Variants in RYR3 observed in about 807,000 individuals in gnomAD.
The protein encoded by RYR3 is brain ryanodine receptor-calcium release channel.
A neutral mutation model predicts 584.3 loss-of-function variants in RYR3; 207 were observed. That is an observed-to-expected ratio of 0.35 (90% CI 0.32 to 0.40). The LOEUF is 0.40. Ranked by LOEUF, RYR3 falls within the 10% of genes least tolerant of loss-of-function variation. RYR3 has a pLI of 1.00. For missense variants in RYR3, 5,616 were observed against 6,089.2 expected (o/e 0.92, Z 2.59); for synonymous variants, 2,416 against 2,248.5 (o/e 1.07, Z -2.11).
rs142396058 is a variant in RYR3 at position 33,488,635 on chromosome 15, A to G, written c.172-14996A>G. 2.9e-3 allele frequency among the ~76,000 whole-genome samples: 441 copies of G among 152,164 alleles called. 3 individuals carry two copies. Among genetic ancestry groups the G allele is most frequent in the African/African-American group, 8.9e-3 (368 of 41,532 alleles). On this transcript the variant is annotated intron_variant, in intron 2 of 103. Transcript: ENST00000634891. ...TGGGAGGACAAGGCGGGCAGATCAC[A>G]AGGTCAGGAGATCGAGACCATCCTG...
At chr15:33,795,817 C>A (rs566372944) in intron 67 of RYR3, among the ~76,000 whole-genome samples, 5 of 152,314 alleles carry the variant, frequency 3.3e-5, no homozygotes, top group African/African-American at 1.2e-4. Flanking sequence ...AGGCATGAGC[C>A]ACCGCACCCG....
chr15:33,660,238 G>A lies in RYR3; in HGVS notation c.4437G>A (p.Glu1479=). Reference sequence around the variant, plus strand: ...CAGCGGCCATATTCAGGAGTGAAGAGAAGAACCCAGTCCCACAGTGTCCAC... The same window carrying A: ...CAGCGGCCATATTCAGGAGTGAAGAAAAGAACCCAGTCCCACAGTGTCCAC... ...PLSAAIFRSE[E]KNPVPQCPPR... is the part of the protein sequence containing the mutation. The change falls in exon 34 of 104, where the codon GAG becomes GAA. Residue 1479 remains glutamate (E), a synonymous_variant. Coordinates refer to ENST00000634891, the MANE Select transcript of RYR3 (RefSeq NM_001036.6). 6.4e-7 allele frequency: 1 copy of A among 1,553,536 alleles called. No individual in the cohort carries two copies. The highest frequency in any genetic ancestry group is 8.7e-7 in the Non-Finnish European group (1 of 1,148,136).
At chr15:33,746,957 C>T (rs1477180696) in intron 53 of RYR3, among the ~76,000 whole-genome samples, 1 of 151,168 alleles carries the variant, frequency 6.6e-6, no homozygotes. Flanking sequence ...TATAGGCATG[C>T]ACCACCATGC....
chr15:33,518,742 G>A (rs2053734263), intron 3 of RYR3, among the ~76,000 whole-genome samples: 1 of 152,208 alleles, frequency 6.6e-6, no homozygotes, highest in African/African-American at 2.4e-5. Flanking sequence ...AGAAAAGCTA[G>A]TGGATGAGAA....
chr15:33,864,602 G>C (rs1889801341), intron 103 of RYR3, among the ~76,000 whole-genome samples: 2 of 151,436 alleles, frequency 1.3e-5, no homozygotes, highest in South Asian at 4.1e-4. Context: ...GCATGTGAGA[G>C]GATGAGTGAA....
At chr15:33,438,950 T>TA (rs1178179018) in intron 1 of RYR3, among the ~76,000 whole-genome samples, 9 of 152,296 alleles carry the variant, frequency 5.9e-5, no homozygotes, top group African/African-American at 2.2e-4. Flanking sequence ...CACTGTTGAA[T>TA]GGAAATAGGA....
intron 1 of RYR3, among the ~76,000 whole-genome samples, chr15:33,369,581 T>G (rs1976022126): frequency 7.0e-6 from 1 of 143,134 alleles, no homozygotes; most frequent in Non-Finnish European, 1.5e-5. Flanking sequence ...CATCTATCTA[T>G]CTGTCTGTCT....
intron 10 of RYR3, among the ~76,000 whole-genome samples, chr15:33,558,338 C>T (rs2057210866): frequency 2.8e-5 from 4 of 140,446 alleles, no homozygotes; most frequent in Middle Eastern, 3.5e-3. Context: ...TGAGTGAGAA[C>T]ATGCGGTGTT....
intron 64 of RYR3, among the ~76,000 whole-genome samples, chr15:33,779,455 G>A (rs12916967): frequency 0.15 from 23,167 of 152,040 alleles, 2,482 homozygotes; most frequent in East Asian, 0.61. Flanking sequence ...AGGACCTATT[G>A]TTTCTGTTGT....
chr15:33,863,473 T>C (rs1482605389), intron 102 of RYR3, among the ~76,000 whole-genome samples: 2 of 152,038 alleles, frequency 1.3e-5, no homozygotes, highest in Non-Finnish European at 2.9e-5. Context: ...AACTTCACAA[T>C]CCTTTTCCGG....
chr15:33,600,071 G>A (rs8032721), intron 16 of RYR3, among the ~76,000 whole-genome samples: 8,905 of 152,194 alleles, frequency 0.059, 827 homozygotes, highest in African/African-American at 0.2. Flanking sequence ...TGAGAAATTA[G>A]CCTCTGGATT....
chr15:33,687,427 T>C (rs2065091103), intron 38 of RYR3, among the ~76,000 whole-genome samples: 1 of 152,252 alleles, frequency 6.6e-6, no homozygotes, highest in East Asian at 1.9e-4. Context: ...CACAAACAAA[T>C]GGAAGAACAT....
At chr15:33,698,034 T>G (rs766170059) in intron 40 of RYR3, 38 bp downstream of exon 40, 20 of 1,441,640 alleles carry the variant, frequency 1.4e-5, no homozygotes, top group Non-Finnish European at 2.0e-5. Context: ...AACTTGTCCC[T>G]TGAGGCAGGA....
At chr15:33,548,449 G>C (rs2056418472) in intron 9 of RYR3, among the ~76,000 whole-genome samples, 1 of 152,192 alleles carries the variant, frequency 6.6e-6, no homozygotes, top group African/African-American at 2.4e-5. Flanking sequence ...GACTATAAAA[G>C]GAAAGCTCAG....
chr15:33,440,071 T>A (rs1170292843), intron 1 of RYR3, among the ~76,000 whole-genome samples: 1 of 152,210 alleles, frequency 6.6e-6, no homozygotes, highest in Non-Finnish European at 1.5e-5. Context: ...TAGGATCACT[T>A]GAGCCTAGGA....
chr15:33,662,129 G>A lies in RYR3; in HGVS notation c.4623-24G>A, dbSNP rs761708483. The stretch of plus-strand genomic sequence containing the variant: ...GGTGGGTTCTTCTCCCCCTGGTGTG[G>A]CTGATTGCTCGTCCTGTCCTCAGGT... On this transcript the variant is annotated intron_variant, in intron 34 of 103. Coordinates refer to ENST00000634891, the MANE Select transcript of RYR3 (RefSeq NM_001036.6). The A allele has an allele frequency of 4.6e-6, 7 of 1,538,088 alleles. No homozygotes were observed. The South Asian group carries it at 7.7e-5, about 17-fold the overall frequency.
chr15:33,394,958 A>T (rs142504566), intron 1 of RYR3, among the ~76,000 whole-genome samples: 1 of 152,096 alleles, frequency 6.6e-6, no homozygotes, highest in Non-Finnish European at 1.5e-5. Context: ...ATGCAAAAAA[A>T]AACACATACT....
intron 51 of RYR3, among the ~76,000 whole-genome samples, chr15:33,741,828 A>G (rs1027851620): frequency 1.3e-5 from 2 of 151,980 alleles, no homozygotes; most frequent in Non-Finnish European, 2.9e-5. Flanking sequence ...GTTAGCCAGG[A>G]TGGTCTCGAT....
At chr15:33,579,092 G>A (rs917068468) in intron 12 of RYR3, among the ~76,000 whole-genome samples, 1 of 152,176 alleles carries the variant, frequency 6.6e-6, no homozygotes, top group Non-Finnish European at 1.5e-5. Flanking sequence ...GAGAGAGATG[G>A]AAGGGCAGGT....
Sources: gnomAD v4.1 joint callset for allele counts (sites outside exome capture counted in the v4.1 genomes callset) on GRCh38, gnomAD v4.1.1 for gene constraint, MANE v1.5 for transcripts, NCBI Gene and HGNC (gene_info 2026-07-23, HGNC 2026-07-21) for gene names.